NPC1: variants seen among roughly 807,000 people sequenced by gnomAD.
The protein encoded by NPC1 is Niemann-Pick C1 protein.
A neutral mutation model predicts 140.4 loss-of-function variants in NPC1; 85 were observed. That is an observed-to-expected ratio of 0.61 (90% CI 0.51 to 0.72). NPC1 has a LOEUF of 0.72. Among genes scored for constraint, NPC1 ranks in the 30% least tolerant of loss-of-function variants. The pLI is 0.00. For synonymous variants in NPC1, 656 were observed against 624.8 expected (o/e 1.05, Z -0.74); for missense variants, 1,504 against 1,623.8 (o/e 0.93, Z 1.27).
Position 23,544,944 on chromosome 18 carries a change from C to CCCCCT in NPC1, c.1947+15_1947+16insAGGGG, listed in dbSNP as rs1555634623. Reference sequence around the variant, plus strand: ...CTGTTAACCTCTAGAACATACACCACCCCCCCCCGGCTTACCAGAAGCCTG... The same window carrying CCCCCT: ...CTGTTAACCTCTAGAACATACACCACCCCCTCCCCCCCCGGCTTACCAGAAGCCTG... On this transcript the variant is annotated intron_variant, in intron 12 of 24. Coordinates refer to ENST00000269228, the MANE Select transcript of NPC1 (RefSeq NM_000271.5). 5 of 850,772 alleles carry CCCCCT rather than the reference C, an allele frequency of 5.9e-6. 1 individual carries two copies. Among genetic ancestry groups the CCCCCT allele is most frequent in the African/African-American group, 6.1e-5 (2 of 32,596 alleles). 52.7% of individuals were successfully genotyped at this position (850,772 alleles called of 1,614,324 possible). A position where few individuals can be genotyped will look rare whatever the true frequency, so the allele number is the denominator to read the frequency against.
chr18:23,531,867 C>A lies in NPC1; in HGVS notation c.*335G>T. The stretch of plus-strand genomic sequence containing the variant: ...GATGGCTTACTCCTAAAAGGAGAGA[C>A]AGACAGTGCATTGATTGGCCTTTAC... On this transcript the variant is annotated 3_prime_UTR_variant, in exon 25 of 25. Coordinates refer to ENST00000269228, the MANE Select transcript of NPC1 (RefSeq NM_000271.5). The A allele has an allele frequency of 2.8e-6, 4 of 1,447,610 alleles. No individual in the cohort carries two copies. The South Asian group carries it at 5.9e-5, about 21-fold the overall frequency. The allele number at this position is 1,447,610 out of a possible 1,614,324, so 89.7% of individuals were successfully genotyped here. A position where few individuals can be genotyped will look rare whatever the true frequency, so the allele number is the denominator to read the frequency against.
At position 23,572,861 on chromosome 18, in the gene NPC1, G is replaced by A. The variant is rs1202418645; in HGVS notation, c.180+591C>T. Among the ~76,000 whole-genome samples the A allele has an allele frequency of 5.3e-5, 8 of 152,134 alleles. 1 individual carries two copies. Among genetic ancestry groups the A allele is most frequent in the Admixed American group, 1.3e-4 (2 of 15,278 alleles). ...TCTGTCTCAAAAACAGAAAAGAAACGAACAAGTGAGCCTAGGAACTCTGTT... is the reference window on the plus strand; with the variant it reads ...TCTGTCTCAAAAACAGAAAAGAAACAAACAAGTGAGCCTAGGAACTCTGTT... On this transcript the variant is annotated intron_variant, in intron 2 of 24. Coordinates refer to ENST00000269228, the MANE Select transcript of NPC1 (RefSeq NM_000271.5).
At chr18:23,522,553 T>G (rs1160009747) in exon 2 of NPC1, 1 of 152,432 alleles carries the variant, frequency 6.6e-6, no homozygotes, top group East Asian at 1.9e-4. Flanking sequence ...CCATTCTTCT[T>G]CTTCCTCTTA....
Position 23,541,179 on chromosome 18 carries a change from G to C in NPC1, c.2403C>G (p.Val801=). The C allele has an allele frequency of 6.2e-7, 1 of 1,614,196 alleles. No homozygotes were observed. The highest frequency in any genetic ancestry group is 8.5e-7 in the Non-Finnish European group (1 of 1,180,022). Residue 801 remains valine (V), a synonymous_variant, in exon 16 of 25, where the codon GTC becomes GTG. Transcript: ENST00000269228. ...CGCTTGTTCCATCTTCAGCACCTCT[G>C]ACACAGCAAAAGATGTCTAGCCGAT... ...EKNRLDIFCC[V]RGAEDGTSVQ... is the part of the protein sequence containing the mutation.
chr18:23,524,595 C>G (rs2058238644), downstream of NPC1: 3 of 1,071,688 alleles, frequency 2.8e-6, no homozygotes, highest in Admixed American at 6.2e-5. Flanking sequence ...CCCCTCCTTT[C>G]AAGCGTGGGA....
downstream of NPC1, chr18:23,530,728 T>TCA: frequency 1.1e-6 from 1 of 909,918 alleles, no homozygotes; most frequent in South Asian, 1.7e-5. Flanking sequence ...CACAATTTGA[T>TCA]AACAGCCCAC....
At chr18:23,524,535 G>C, downstream of NPC1, 2 of 1,579,512 alleles carry the variant, frequency 1.3e-6, no homozygotes, top group Non-Finnish European at 1.7e-6. Flanking sequence ...GTTGACTTTG[G>C]ATCCCAGTTG....
Position 23,554,819 on chromosome 18 carries a change from T to TTGTCGTCC in NPC1, c.1491_1492insGGACGACA (p.Lys498GlyfsTer29). 2 of 1,614,100 alleles carry TTGTCGTCC rather than the reference T, an allele frequency of 1.2e-6. No individual in the cohort carries two copies. Among genetic ancestry groups the TTGTCGTCC allele is most frequent in the South Asian group, 1.1e-5 (1 of 91,082 alleles). On this transcript the variant is annotated frameshift_variant, in exon 9 of 25. Transcript: ENST00000269228. LOFTEE classifies it high-confidence loss of function. ...TACACAAAGAAGTCGTCCCCTTTCT[T>TTGTCGTCC]GTGGTCCAGCACGGAATGGCTGTTC... is the stretch of plus-strand genomic sequence containing the variant.
rs549152549 is a variant in NPC1 at position 23,559,003 on chromosome 18, G to A, written c.881+1228C>T. On this transcript the variant is annotated intron_variant, in intron 6 of 24. Coordinates refer to ENST00000269228, the MANE Select transcript of NPC1 (RefSeq NM_000271.5). ...TTTTTTGTCCTTGCGATATTTTGCT[G>A]AGAATGATGGTTTCCAGTTTCATCC... Among the ~76,000 whole-genome samples the A allele has an allele frequency of 2.7e-4, 41 of 152,236 alleles. 1 individual carries two copies. In the Middle Eastern group the frequency reaches 0.02, roughly 76 times the overall value.
At chr18:23,561,569 G>A (rs2145485867) in intron 4 of NPC1, 42 bp from the exon 5 acceptor site, 1 of 1,602,288 alleles carries the variant, frequency 6.2e-7, no homozygotes, top group East Asian at 2.2e-5. Flanking sequence ...CAAGATGCTT[G>A]CTGTAATTCA....
chr18:23,534,007 A>G, intron 23 of NPC1: 3 of 321,046 alleles, frequency 9.3e-6, no homozygotes, highest in South Asian at 3.1e-5. Context: ...GAAAACTTAA[A>G]TATTTAAAAG....
In NPC1 at chr18:23,516,626, A is replaced by G. The variant is rs562034792; in HGVS notation, c.432-9984T>C. 4.6e-5 allele frequency among the ~76,000 whole-genome samples: 7 copies of G among 152,350 alleles called. No individual in the cohort carries two copies. The South Asian group carries it at 1.2e-3, about 27-fold the overall frequency. On this transcript the variant is annotated intron_variant, in intron 3 of 3. Coordinates refer to the NPC1 transcript ENST00000591107. ...TTGGCATTCCTTTTTGATTTTTATC[A>G]GCTTTGTGATGCTAAGGAATTCCTT... is the stretch of plus-strand genomic sequence containing the variant.
At chr18:23,574,595 A>C (rs945384102) in intron 1 of NPC1, among the ~76,000 whole-genome samples, 2 of 152,198 alleles carry the variant, frequency 1.3e-5, no homozygotes, top group Non-Finnish European at 2.9e-5. Flanking sequence ...CTGAAGCCCA[A>C]AAACATGAGA....
Position 23,541,407 on chromosome 18 carries a change from G to A in NPC1, c.2272C>T (p.His758Tyr), listed in dbSNP as rs759694756. ...LGALSVMPAV[H>Y]TFSLFAGLAV... Reference sequence around the variant, plus strand: ...AATCCCGCAAAGAGAGAGAAGGTGTGCACGGCTGGCATCACGGACAATGCT... The same window carrying A: ...AATCCCGCAAAGAGAGAGAAGGTGTACACGGCTGGCATCACGGACAATGCT... Residue 758 changes from histidine to tyrosine, a missense_variant, in exon 15 of 25, where the codon CAC (histidine) becomes TAC (tyrosine). Physicochemically the swap from His to Tyr is moderately conservative, Grantham distance 83. Coordinates refer to ENST00000269228, the MANE Select transcript of NPC1 (RefSeq NM_000271.5). 1.2e-6 allele frequency: 2 copies of A among 1,614,232 alleles called. No homozygotes were observed. The highest frequency in any genetic ancestry group is 8.5e-7 in the Non-Finnish European group (1 of 1,180,046).
At chr18:23,516,796 G>T (rs1230264282) in intron 3 of NPC1, among the ~76,000 whole-genome samples, 3 of 150,958 alleles carry the variant, frequency 2.0e-5, no homozygotes, top group African/African-American at 7.3e-5. Flanking sequence ...TGCAGTGTCG[G>T]CTCACTGCAG....
intron 3 of NPC1, chr18:23,508,007 A>G: frequency 6.2e-7 from 1 of 1,611,220 alleles, no homozygotes; most frequent in Non-Finnish European, 8.5e-7. Context: ...TTTATCCCTG[A>G]TAATTCCCAG....
At chr18:23,576,287 G>A (rs1028437643) in intron 1 of NPC1, among the ~76,000 whole-genome samples, 1 of 152,096 alleles carries the variant, frequency 6.6e-6, no homozygotes, top group African/African-American at 2.4e-5. Context: ...CGAGCCTAGT[G>A]GCACATGCCC....
At chr18:23,547,887 A>C in intron 11 of NPC1, 119 bp downstream of exon 11, 2 of 785,994 alleles carry the variant, frequency 2.5e-6, no homozygotes, top group Non-Finnish European at 4.7e-6. Flanking sequence ...CAAGTGAACA[A>C]AACTACGTAA....
Position 23,531,569 on chromosome 18 carries a change from C to A in NPC1, c.*633G>T, listed in dbSNP as rs952976753. ...AGTAGACACACCTACGAGATGCTTT[C>A]TTTGTCCCTCATTTCATGCCACATC... On this transcript the variant is annotated 3_prime_UTR_variant, in exon 25 of 25. Transcript: ENST00000269228. The A allele has an allele frequency of 6.3e-7, 1 of 1,591,034 alleles. No individual in the cohort carries two copies. The highest frequency in any genetic ancestry group is 8.5e-7 in the Non-Finnish European group (1 of 1,171,214).
Sources: allele counts gnomAD v4.1 joint callset (sites outside exome capture counted in the v4.1 genomes callset), GRCh38; gene constraint gnomAD v4.1.1; transcripts MANE v1.5; gene names NCBI Gene and HGNC (gene_info 2026-07-23, HGNC 2026-07-21).